GNPDA2: variants seen among roughly 807,000 people sequenced by gnomAD.
GNPDA2 encodes glucosamine-6-phosphate deaminase 2.
In GNPDA2, 24 loss-of-function variants were observed where a neutral mutation model predicts 27.0. The observed-to-expected ratio is 0.89, with a 90% CI of 0.64 to 1.25. The LOEUF (loss-of-function observed/expected upper bound fraction) is 1.25. Ranked by LOEUF, GNPDA2 falls within the 50% of genes most tolerant of loss-of-function variation. The pLI is 0.00. For missense variants in GNPDA2, 286 were observed against 335.1 expected (o/e 0.85, Z 1.14); for synonymous variants, 94 against 108.4 (o/e 0.87, Z 0.83).
At chr4:44,709,682 T>A (rs1258724364) in intron 5 of GNPDA2, among the ~76,000 whole-genome samples, 2 of 151,852 alleles carry the variant, frequency 1.3e-5, no homozygotes, top group Non-Finnish European at 2.9e-5. Flanking sequence ...TTTACAAAAA[T>A]CTATAAGCTC....
chr4:44,707,443 T>TA (rs1716675563), intron 6 of GNPDA2: 1 of 372,656 alleles, frequency 2.7e-6, no homozygotes, highest in African/African-American at 2.1e-5. Flanking sequence ...TGGACAAAGA[T>TA]ACATTTTCTT....
rs1717712344 is a variant in GNPDA2, at chr4:44,722,150, TG to T, written c.57del (p.Tyr19Ter). 6 of 1,613,256 alleles carry T rather than the reference TG, an allele frequency of 3.7e-6. No individual in the cohort carries two copies. Among genetic ancestry groups the T allele is most frequent in the Non-Finnish European group, 5.1e-6 (6 of 1,179,280 alleles). On this transcript the variant is annotated frameshift_variant, in exon 2 of 7. Coordinates refer to ENST00000295448, the MANE Select transcript of GNPDA2 (RefSeq NM_138335.3). LOFTEE classifies it high-confidence loss of function. ...TTGAACTGAATGATGCGATTACAGA[TG>T]TATTTGGCTGCCCATTCACTAGCCA... ...YDLASEWAAK[Y>X]ICNRIIQFKP...
intron 1 of GNPDA2, among the ~76,000 whole-genome samples, chr4:44,722,580 AC>A (rs1352190520): frequency 6.6e-6 from 1 of 152,138 alleles, no homozygotes; most frequent in Non-Finnish European, 1.5e-5. Flanking sequence ...ACAGGTACAG[AC>A]TTTTTTTTGT....
intron 6 of GNPDA2, chr4:44,704,146 G>C: frequency 1.0e-6 from 1 of 985,094 alleles, no homozygotes; most frequent in Non-Finnish European, 1.2e-6. Context: ...AAGTGTTTGT[G>C]TAGTAGGAGA....
Position 44,717,185 on chromosome 4 carries a change from C to A in GNPDA2, c.337G>T (p.Asp113Tyr), listed in dbSNP as rs553245173. ...AAAGCATCACATTCTGCTTGTAAAT[C>A]TGCAGCATTCCCGTCAAGGATATGT... ...NAHILDGNAADLQAECDAFEN... is the reference protein window; with the variant it reads ...NAHILDGNAAYLQAECDAFEN... The change falls in exon 4 of 7, where the codon GAT (aspartate) becomes TAT (tyrosine). Residue 113 changes from aspartate (D) to tyrosine (Y), a missense_variant. Asp to Tyr is a radical substitution (Grantham distance 160, BLOSUM62 -3). Coordinates refer to ENST00000295448, the MANE Select transcript of GNPDA2 (RefSeq NM_138335.3). The A allele has an allele frequency of 1.9e-6, 3 of 1,608,922 alleles. No individual in the cohort carries two copies. The highest frequency in any genetic ancestry group is 4.5e-5 in the East Asian group (2 of 44,724).
chr4:44,715,954 G>A (rs1294750641), intron 4 of GNPDA2, among the ~76,000 whole-genome samples: 1 of 151,948 alleles, frequency 6.6e-6, no homozygotes, highest in Non-Finnish European at 1.5e-5. Context: ...ATTTACAGTT[G>A]AGAGAGAAAG....
At chr4:44,712,161 C>T (rs866981541) in intron 4 of GNPDA2, among the ~76,000 whole-genome samples, 14 of 151,968 alleles carry the variant, frequency 9.2e-5, no homozygotes, top group African/African-American at 2.9e-4. Context: ...ATAAATAAAT[C>T]GAGTTTTATT....
chr4:44,713,299 G>C (rs1717084629), intron 4 of GNPDA2, among the ~76,000 whole-genome samples: 3 of 152,156 alleles, frequency 2.0e-5, no homozygotes, highest in Non-Finnish European at 4.4e-5. Flanking sequence ...CTTGACCAGG[G>C]ATACAGTTAA....
At position 44,718,354 on chromosome 4, in the gene GNPDA2, G is replaced by C; in HGVS notation, c.181C>G (p.Leu61Val). The C allele has an allele frequency of 7.3e-7, 1 of 1,377,414 alleles. No individual in the cohort carries two copies. Among genetic ancestry groups the C allele is most frequent in the South Asian group, 1.3e-5 (1 of 74,618 alleles). The allele number at this position is 1,377,414 out of a possible 1,614,324, so 85.3% of individuals were successfully genotyped here. The change falls in exon 3 of 7, where the codon CTT (leucine) becomes GTT (valine). Residue 61 changes from leucine to valine, a missense_variant. Coordinates refer to ENST00000295448, the MANE Select transcript of GNPDA2 (RefSeq NM_138335.3). ...AAGGTCTTCACATATTTAAAAGAAA[G>C]GTGTCCATTCTTATGATATTCTATT... ...KLIEYHKNGH[L>V]SFKYVKTFNM...
chr4:44,710,917 T>G (rs778400882), intron 5 of GNPDA2, 36 bp downstream of exon 5: 103 of 1,458,416 alleles, frequency 7.1e-5, no homozygotes, highest in Non-Finnish European at 6.5e-6. Context: ...TATATTAACA[T>G]GAAAAGAAAG....
intron 4 of GNPDA2, among the ~76,000 whole-genome samples, chr4:44,715,765 A>C (rs1254431481): frequency 3.3e-5 from 5 of 152,062 alleles, no homozygotes; most frequent in African/African-American, 7.2e-5. Flanking sequence ...GCAATAGTCT[A>C]ACTTGGTTTC....
chr4:44,704,449 A>C, intron 6 of GNPDA2: 1 of 851,578 alleles, frequency 1.2e-6, no homozygotes, highest in Non-Finnish European at 1.4e-6. Context: ...ATGCAAATTA[A>C]AATATCAGTA....
chr4:44,705,467 G>T, intron 6 of GNPDA2: 2 of 985,154 alleles, frequency 2.0e-6, no homozygotes, highest in South Asian at 9.4e-5. Context: ...TCTTGATGCA[G>T]TGCAGCTATC....
rs776627560 is a variant in GNPDA2 at position 44,702,842 on chromosome 4, A to G, written c.*239T>C. On this transcript the variant is annotated 3_prime_UTR_variant, in exon 7 of 7. Transcript: ENST00000295448. ...TTTCTATGCTGTTTTATAGGTGGCT[A>G]TGTGACTTCAGTACTTTATAATAAA... 89 of 1,341,380 alleles carry G rather than the reference A, an allele frequency of 6.6e-5. No homozygotes were observed. Among genetic ancestry groups the G allele is most frequent in the Non-Finnish European group, 8.3e-5 (87 of 1,052,496 alleles). 83.1% of individuals were successfully genotyped at this position (1,341,380 alleles called of 1,614,324 possible).
intron 1 of GNPDA2, among the ~76,000 whole-genome samples, chr4:44,726,088 T>C (rs1393896252): frequency 6.6e-6 from 1 of 152,096 alleles, no homozygotes; most frequent in Non-Finnish European, 1.5e-5. Flanking sequence ...AAGGCTGTGG[T>C]TCCTGCCCGG....
At chr4:44,703,733 G>A (rs1716417008) in intron 6 of GNPDA2, 3 of 983,556 alleles carry the variant, frequency 3.1e-6, no homozygotes, top group Non-Finnish European at 3.6e-6. Flanking sequence ...AAATCCGGTA[G>A]ATTATAACTT....
In GNPDA2 at chr4:44,717,171, T is replaced by G. The variant is rs1392554958; in HGVS notation, c.351A>C (p.Glu117Asp). 6.2e-7 allele frequency: 1 copy of G among 1,610,112 alleles called. No individual in the cohort carries two copies. The highest frequency in any genetic ancestry group is 1.1e-5 in the South Asian group (1 of 89,928). Residue 117 changes from glutamate (E) to aspartate (D), a missense_variant, in exon 4 of 7, where the codon GAA (glutamate) becomes GAC (aspartate). Glu to Asp is a conservative substitution (Grantham distance 45). Transcript: ENST00000295448. ...TTATTTTGTTTTCAAAAGCATCACATTCTGCTTGTAAATCTGCAGCATTCC... is the reference window on the plus strand; with the variant it reads ...TTATTTTGTTTTCAAAAGCATCACAGTCTGCTTGTAAATCTGCAGCATTCC... ...LDGNAADLQA[E>D]CDAFENKIKE...
intron 5 of GNPDA2, among the ~76,000 whole-genome samples, chr4:44,709,452 C>CA (rs1193751917): frequency 6.6e-6 from 1 of 152,052 alleles, no homozygotes; most frequent in African/African-American, 2.4e-5. Context: ...TATGTTTGTT[C>CA]AAACTGCAGA....
At chr4:44,719,522 T>A (rs996550264) in intron 2 of GNPDA2, among the ~76,000 whole-genome samples, 30 of 152,186 alleles carry the variant, frequency 2.0e-4, no homozygotes, top group African/African-American at 6.3e-4. Flanking sequence ...TCAATTACAA[T>A]TATTAATTTA....
Sources: gnomAD v4.1 joint callset for allele counts (sites outside exome capture counted in the v4.1 genomes callset) on GRCh38, gnomAD v4.1.1 for gene constraint, MANE v1.5 for transcripts, NCBI Gene and HGNC (gene_info 2026-07-23, HGNC 2026-07-21) for gene names.